Variants in EBF1 observed in about 807,000 individuals in gnomAD.
EBF1 encodes EBF transcription factor 1.
A neutral mutation model predicts 68.4 loss-of-function variants in EBF1; 10 were observed. The ratio of observed to expected loss-of-function variants is 0.15; its 90% confidence interval spans 0.09 to 0.25. The LOEUF (loss-of-function observed/expected upper bound fraction) is 0.25. EBF1 is among the 10% of genes least tolerant of loss of function. The pLI is 1.00. For missense variants in EBF1, 509 were observed against 794.4 expected (o/e 0.64, Z 4.32); for synonymous variants, 298 against 299.8 (o/e 0.99, Z 0.06).
In EBF1 at chr5:159,078,209, G is replaced by A. The variant is rs1236122207; in HGVS notation, c.486-4745C>T. On this transcript the variant is annotated intron_variant, in intron 5 of 15. Coordinates refer to ENST00000313708, the MANE Select transcript of EBF1 (RefSeq NM_024007.5). ...CTTTGTTGCCACAATGCTCTTTCCT[G>A]CCCATGTGAGTTCTCCCTTTTCAGG... 2.6e-5 allele frequency among the ~76,000 whole-genome samples: 4 copies of A among 152,252 alleles called. No homozygotes were observed. The East Asian group carries it at 7.7e-4, about 29-fold the overall frequency.
intron 9 of EBF1, among the ~76,000 whole-genome samples, chr5:158,778,417 G>C (rs1381284230): frequency 1.3e-5 from 2 of 152,098 alleles, no homozygotes; most frequent in Admixed American, 1.3e-4. Flanking sequence ...TTCTGCAATT[G>C]TCTACTCTTT....
At chr5:158,875,822 G>T (rs1797716521) in intron 6 of EBF1, among the ~76,000 whole-genome samples, 1 of 152,144 alleles carries the variant, frequency 6.6e-6, no homozygotes, top group African/African-American at 2.4e-5. Flanking sequence ...TATCCATGTG[G>T]TTACACAAAA....
chr5:158,877,700 G>GCGCA (rs10652025), intron 6 of EBF1, among the ~76,000 whole-genome samples: 1 of 150,648 alleles, frequency 6.6e-6, no homozygotes, highest in Non-Finnish European at 1.5e-5. Flanking sequence ...TACTACAAAC[G>GCGCA]CACACACACA....
At chr5:158,873,465 T>A (rs928207094) in intron 6 of EBF1, among the ~76,000 whole-genome samples, 1 of 152,216 alleles carries the variant, frequency 6.6e-6, no homozygotes, top group Non-Finnish European at 1.5e-5. Flanking sequence ...TTACCTATAA[T>A]AATATTCACT....
chr5:158,782,990 G>A (rs1466282057), intron 9 of EBF1, among the ~76,000 whole-genome samples: 1 of 151,662 alleles, frequency 6.6e-6, no homozygotes, highest in Non-Finnish European at 1.5e-5. Context: ...ATGTCTAAAT[G>A]TCTGTAACTC....
chr5:158,975,141 T>C (rs1190032814), intron 6 of EBF1, among the ~76,000 whole-genome samples: 1 of 152,202 alleles, frequency 6.6e-6, no homozygotes, highest in Non-Finnish European at 1.5e-5. Flanking sequence ...AATTGAATAT[T>C]TGAGGGGAAA....
At position 158,918,537 on chromosome 5, in the gene EBF1, G is replaced by A. The variant is rs565849750; in HGVS notation, c.555-78427C>T. Among the ~76,000 whole-genome samples the A allele has an allele frequency of 2.2e-4, 34 of 152,312 alleles. No homozygotes were observed. In the East Asian group the frequency reaches 6.4e-3, roughly 29 times the overall value. On this transcript the variant is annotated intron_variant, in intron 6 of 15. Transcript: ENST00000313708. ...AGAATTAGTAAGAGATAAAGAGATT[G>A]AGACTAAGACAGAAAGACTGAGAAA...
At chr5:158,704,467 C>A (rs1220191493) in intron 15 of EBF1, among the ~76,000 whole-genome samples, 1 of 152,122 alleles carries the variant, frequency 6.6e-6, no homozygotes, top group Non-Finnish European at 1.5e-5. Context: ...ATTTGCTTAA[C>A]CAAGTCTTCC....
intron 6 of EBF1, among the ~76,000 whole-genome samples, chr5:159,070,020 T>A (rs1474642173): frequency 6.6e-6 from 1 of 152,174 alleles, no homozygotes; most frequent in Non-Finnish European, 1.5e-5. Flanking sequence ...ATTCAATAAC[T>A]GGAAGTCATT....
intron 5 of EBF1, among the ~76,000 whole-genome samples, chr5:159,074,342 G>A (rs1000893406): frequency 1.3e-5 from 2 of 152,134 alleles, no homozygotes; most frequent in Non-Finnish European, 1.5e-5. Flanking sequence ...AACAGAAAAC[G>A]ATCCATCTGA....
intron 6 of EBF1, among the ~76,000 whole-genome samples, chr5:159,001,391 T>C (rs1422854434): frequency 1.3e-5 from 2 of 152,178 alleles, no homozygotes; most frequent in Admixed American, 6.5e-5. Flanking sequence ...GGCCAAAAGA[T>C]TTCAAAATCA....
chr5:159,081,416 C>T (rs1032033208), intron 5 of EBF1, among the ~76,000 whole-genome samples: 5 of 152,086 alleles, frequency 3.3e-5, no homozygotes, highest in Non-Finnish European at 5.9e-5. Context: ...AAAAATATAG[C>T]GTATGTAAGG....
chr5:158,974,670 TAA>T (rs1480649021), intron 6 of EBF1, among the ~76,000 whole-genome samples: 4 of 152,214 alleles, frequency 2.6e-5, no homozygotes, highest in Admixed American at 6.5e-5. Flanking sequence ...AAAAATGTTT[TAA>T]AATGAAAACT....
chr5:158,872,302 T>TTCTCTTG (rs1797021111), intron 6 of EBF1, among the ~76,000 whole-genome samples: 1 of 152,058 alleles, frequency 6.6e-6, no homozygotes, highest in Non-Finnish European at 1.5e-5. Flanking sequence ...GTTCCATCGA[T>TTCTCTTG]TCTCTTGTCT....
In EBF1 at chr5:159,087,086, A is replaced by T. The variant is rs74348038; in HGVS notation, c.412-2347T>A. ...AGCATTTCTTCTAAATCCTATTAGT[A>T]CTACATGGTTTGTATGTTCTCTAAA... On this transcript the variant is annotated intron_variant, in intron 4 of 15. Transcript: ENST00000313708. Among the ~76,000 whole-genome samples the T allele has an allele frequency of 4.1e-3, 626 of 152,056 alleles. 51 individuals carry two copies. The East Asian group carries it at 0.12, about 28-fold the overall frequency.
chr5:158,900,534 T>C (rs1213533397), intron 6 of EBF1, among the ~76,000 whole-genome samples: 1 of 152,104 alleles, frequency 6.6e-6, no homozygotes, highest in South Asian at 2.1e-4. Context: ...TACAACTCTG[T>C]TTTTTTCAAC....
At chr5:159,021,750 T>C (rs947286769) in intron 6 of EBF1, among the ~76,000 whole-genome samples, 1 of 152,144 alleles carries the variant, frequency 6.6e-6, no homozygotes, top group African/African-American at 2.4e-5. Context: ...AGGATATCCT[T>C]AAAGGACTGT....
At chr5:158,856,202 G>A (rs566070646) in intron 6 of EBF1, among the ~76,000 whole-genome samples, 12 of 152,246 alleles carry the variant, frequency 7.9e-5, no homozygotes, top group Admixed American at 2.6e-4. Flanking sequence ...ACACAATCCC[G>A]CACCCCAATT....
chr5:159,095,770 A>C (rs1782493147), intron 3 of EBF1, 95 bp from the exon 4 acceptor site: 9 of 1,266,124 alleles, frequency 7.1e-6, no homozygotes, highest in Non-Finnish European at 9.0e-6. Flanking sequence ...TAACAACAAA[A>C]CCCCCACACA....
Sources: gnomAD v4.1 joint callset for allele counts (sites outside exome capture counted in the v4.1 genomes callset) on GRCh38, gnomAD v4.1.1 for gene constraint, MANE v1.5 for transcripts, NCBI Gene and HGNC (gene_info 2026-07-23, HGNC 2026-07-21) for gene names.